UTRN: variants seen among roughly 807,000 people sequenced by gnomAD.
The protein encoded by UTRN is dystrophin-related protein 1.
UTRN carries 283 observed loss-of-function variants against 463.9 expected under a neutral mutation model. That is an observed-to-expected ratio of 0.61 (90% CI 0.55 to 0.67). The LOEUF (loss-of-function observed/expected upper bound fraction) is 0.67. Among genes scored for constraint, UTRN ranks in the 30% least tolerant of loss-of-function variants. The pLI is 0.00. For synonymous variants in UTRN, 1,442 were observed against 1,431.5 expected (o/e 1.01, Z -0.17); for missense variants, 3,922 against 4,084.3 (o/e 0.96, Z 1.08).
intron 1 of UTRN, among the ~76,000 whole-genome samples, chr6:144,290,793 TC>T (rs1804167778): frequency 7.7e-6 from 1 of 129,160 alleles, no homozygotes; most frequent in Non-Finnish European, 1.6e-5. Context: ...AGATGGAGTC[TC>T]ACTCTCGTTG....
intron 12 of UTRN, among the ~76,000 whole-genome samples, chr6:144,439,319 T>G (rs763881038): frequency 2.0e-5 from 3 of 152,146 alleles, no homozygotes; most frequent in Non-Finnish European, 4.4e-5. Flanking sequence ...GGAGATAAAC[T>G]TTTCATAGTC....
At chr6:144,401,747 G>C (rs1036371732) in intron 2 of UTRN, among the ~76,000 whole-genome samples, 3 of 152,056 alleles carry the variant, frequency 2.0e-5, no homozygotes, top group African/African-American at 7.3e-5. Context: ...CTTCCACAAG[G>C]GGGTAAGGAC....
At chr6:144,680,125 T>C (rs1192159165) in intron 52 of UTRN, among the ~76,000 whole-genome samples, 1 of 152,184 alleles carries the variant, frequency 6.6e-6, no homozygotes, top group Non-Finnish European at 1.5e-5. Context: ...CAGCAAGTCA[T>C]CTATGCCAGC....
chr6:144,822,318 G>T (rs1019780858), intron 66 of UTRN, among the ~76,000 whole-genome samples: 3 of 152,046 alleles, frequency 2.0e-5, no homozygotes, highest in Admixed American at 2.0e-4. Context: ...AAGCATAGGA[G>T]ATACCTTTTT....
chr6:144,433,387 G>A (rs1368290276), intron 9 of UTRN, among the ~76,000 whole-genome samples: 4 of 149,300 alleles, frequency 2.7e-5, no homozygotes, highest in Admixed American at 1.3e-4. Context: ...CCTCCCGGAC[G>A]GGGTGGCTGC....
chr6:144,755,536 C>T (rs775151407), intron 57 of UTRN, among the ~76,000 whole-genome samples: 15 of 152,142 alleles, frequency 9.9e-5, no homozygotes, highest in East Asian at 7.7e-4. Flanking sequence ...CTTAAAATAC[C>T]GTATTACCTA....
intron 49 of UTRN, 135 bp downstream of exon 49, chr6:144,555,028 A>G: frequency 4.5e-6 from 5 of 1,105,836 alleles, no homozygotes; most frequent in Non-Finnish European, 6.3e-6. Flanking sequence ...TGAAATTTAT[A>G]TGAAGAATTT....
intron 39 of UTRN, among the ~76,000 whole-genome samples, chr6:144,521,197 A>G (rs1263978723): frequency 6.6e-6 from 1 of 152,130 alleles, no homozygotes; most frequent in African/African-American, 2.4e-5. Context: ...GAGGCAGAAG[A>G]ATCGCTTGAA....
intron 51 of UTRN, among the ~76,000 whole-genome samples, chr6:144,609,477 A>G (rs1424115552): frequency 2.6e-5 from 4 of 152,260 alleles, no homozygotes; most frequent in Non-Finnish European, 4.4e-5. Flanking sequence ...CGTAGACTGC[A>G]GTGCTAAGAT....
intron 52 of UTRN, among the ~76,000 whole-genome samples, chr6:144,683,506 G>A (rs1782421596): frequency 1.3e-5 from 2 of 152,122 alleles, no homozygotes; most frequent in African/African-American, 4.8e-5. Flanking sequence ...TACTGAAAGT[G>A]ATCACTGTGG....
intron 51 of UTRN, among the ~76,000 whole-genome samples, chr6:144,592,675 A>G (rs528304084): frequency 6.6e-6 from 1 of 152,160 alleles, no homozygotes; most frequent in East Asian, 1.9e-4. Context: ...AGCCAATGAA[A>G]AGCTTTTGAT....
chr6:144,802,500 G>A (rs538699884), intron 64 of UTRN, among the ~76,000 whole-genome samples: 79 of 152,252 alleles, frequency 5.2e-4, no homozygotes, highest in Admixed American at 7.9e-4. Context: ...GAAACTTATC[G>A]TCTAAGGTTT....
At chr6:144,307,402 A>C (rs1805840307) in intron 2 of UTRN, among the ~76,000 whole-genome samples, 1 of 152,224 alleles carries the variant, frequency 6.6e-6, no homozygotes. Context: ...ATATTTTCTT[A>C]GAAAAAGGGT....
intron 51 of UTRN, among the ~76,000 whole-genome samples, chr6:144,622,193 T>TTTTTG (rs1250809201): frequency 1.0e-4 from 14 of 137,672 alleles, no homozygotes; most frequent in African/African-American, 3.8e-4. Flanking sequence ...TGTTTTTTTT[T>TTTTTG]TTTTTTTTTT....
At chr6:144,733,736 G>A (rs541989252) in intron 54 of UTRN, among the ~76,000 whole-genome samples, 30 of 152,192 alleles carry the variant, frequency 2.0e-4, no homozygotes, top group African/African-American at 6.3e-4. Context: ...TATTAGAATG[G>A]TTAAGAGCCT....
At chr6:144,806,066 A>G (rs1778122309) in intron 65 of UTRN, among the ~76,000 whole-genome samples, 1 of 152,216 alleles carries the variant, frequency 6.6e-6, no homozygotes. Flanking sequence ...AAGTAAATAT[A>G]TGTTGTTATA....
intron 11 of UTRN, 69 bp downstream of exon 11, chr6:144,437,815 T>C: frequency 6.9e-7 from 1 of 1,445,404 alleles, no homozygotes; most frequent in Non-Finnish European, 9.2e-7. Flanking sequence ...CTAGTAGATG[T>C]CTGCATGTCT....
At chr6:144,801,073 A>G (rs992459136) in intron 64 of UTRN, among the ~76,000 whole-genome samples, 5 of 152,326 alleles carry the variant, frequency 3.3e-5, no homozygotes, top group African/African-American at 1.2e-4. Context: ...TAAGAAATCT[A>G]GCTATAACTT....
At chr6:144,439,858 G>A (rs894775671) in intron 12 of UTRN, among the ~76,000 whole-genome samples, 1 of 152,232 alleles carries the variant, frequency 6.6e-6, no homozygotes, top group South Asian at 2.1e-4. Context: ...TGGAAAAGGC[G>A]AGAGAATCTA....
Sources: gnomAD v4.1 joint callset for allele counts (sites outside exome capture counted in the v4.1 genomes callset) on GRCh38, gnomAD v4.1.1 for gene constraint, MANE v1.5 for transcripts, NCBI Gene and HGNC (gene_info 2026-07-23, HGNC 2026-07-21) for gene names.